The following PIAS1 variants were observed in gnomAD, a reference collection of about 807,000 sequenced individuals.
The protein encoded by PIAS1 is protein inhibitor of activated STAT 1.
PIAS1 carries 6 observed loss-of-function variants against 71.3 expected under a neutral mutation model. That is an observed-to-expected ratio of 0.08 (90% CI 0.05 to 0.17). The LOEUF is 0.17. PIAS1 is among the 10% of genes least tolerant of loss of function. PIAS1 has a pLI of 1.00. For missense variants in PIAS1, 555 were observed against 793.6 expected (o/e 0.70, Z 3.61); for synonymous variants, 303 against 292.9 (o/e 1.03, Z -0.35).
intron 2 of PIAS1, among the ~76,000 whole-genome samples, chr15:68,091,791 G>A (rs969973330): frequency 6.6e-6 from 1 of 152,134 alleles, no homozygotes; most frequent in African/African-American, 2.4e-5. Context: ...CACAAGTCCT[G>A]TTTTATAATT....
At chr15:68,121,475 T>C (rs937882384) in intron 2 of PIAS1, among the ~76,000 whole-genome samples, 1 of 150,212 alleles carries the variant, frequency 6.7e-6, no homozygotes, top group Admixed American at 6.6e-5. Context: ...TTTATTCTTG[T>C]TTTTTTGTGC....
chr15:68,090,510 A>G (rs758967483), intron 2 of PIAS1, among the ~76,000 whole-genome samples: 7 of 150,378 alleles, frequency 4.7e-5, no homozygotes, highest in African/African-American at 9.7e-5. Context: ...ATAAATCCCT[A>G]TAATAGCTAG....
intron 1 of PIAS1, among the ~76,000 whole-genome samples, chr15:68,064,578 C>T (rs181267226): frequency 6.6e-6 from 1 of 152,306 alleles, no homozygotes; most frequent in East Asian, 1.9e-4. Context: ...CAGATTCCTG[C>T]GTTGCAGCAG....
chr15:68,076,632 A>G (rs1376333506), intron 1 of PIAS1, among the ~76,000 whole-genome samples: 1 of 152,192 alleles, frequency 6.6e-6, no homozygotes, highest in East Asian at 1.9e-4. Flanking sequence ...ATCTCTTATG[A>G]TATGCTCAGG....
rs548682399 is a variant in PIAS1, at chr15:68,158,595, TCAGCA to T, written c.934+4904_934+4908del. ...ATTTTTTTTCTTGAATTCCTATTGC[TCAGCA>T]CAGTGCCACATACATAGTAGATCTG... On this transcript the variant is annotated intron_variant, in intron 7 of 13. Transcript: ENST00000249636. 1.5e-4 allele frequency among the ~76,000 whole-genome samples: 23 copies of T among 152,252 alleles called. No homozygotes were observed. The South Asian group carries it at 3.9e-3, about 26-fold the overall frequency.
intron 12 of PIAS1, among the ~76,000 whole-genome samples, chr15:68,182,533 T>A (rs1297784968): frequency 1.7e-5 from 2 of 115,402 alleles, no homozygotes; most frequent in Non-Finnish European, 3.7e-5. Flanking sequence ...TTTGCTCTTA[T>A]TGCTCAGGCT....
At chr15:68,063,278 G>A (rs1015352259) in intron 1 of PIAS1, among the ~76,000 whole-genome samples, 1 of 152,166 alleles carries the variant, frequency 6.6e-6, no homozygotes, top group African/African-American at 2.4e-5. Context: ...AACTTAACAT[G>A]CTATCTTGTG....
At chr15:68,084,070 A>G (rs1213003011) in intron 1 of PIAS1, among the ~76,000 whole-genome samples, 1 of 152,170 alleles carries the variant, frequency 6.6e-6, no homozygotes, top group East Asian at 1.9e-4. Context: ...AAATGTCAAC[A>G]TATTCTTCTA....
intron 2 of PIAS1, among the ~76,000 whole-genome samples, chr15:68,114,882 A>C (rs2092552509): frequency 6.6e-6 from 1 of 151,898 alleles, no homozygotes. Flanking sequence ...ATGTATTTTG[A>C]GTTGTAATTA....
chr15:68,074,696 T>C (rs1050731710), intron 1 of PIAS1, among the ~76,000 whole-genome samples: 2 of 152,342 alleles, frequency 1.3e-5, no homozygotes, highest in African/African-American at 4.8e-5. Context: ...TTTCTTCTTT[T>C]GGCTAGTTTA....
intron 7 of PIAS1, among the ~76,000 whole-genome samples, chr15:68,159,650 G>A (rs907440991): frequency 5.3e-5 from 8 of 152,020 alleles, no homozygotes; most frequent in African/African-American, 1.2e-4. Context: ...TTATTGCTGC[G>A]TAGTATTTCA....
chr15:68,149,592 C>T (rs948812061), intron 6 of PIAS1, among the ~76,000 whole-genome samples: 3 of 151,600 alleles, frequency 2.0e-5, no homozygotes, highest in African/African-American at 7.3e-5. Flanking sequence ...TTGCTAATTC[C>T]CATGTTGGTT....
In PIAS1 at chr15:68,175,575, TA is replaced by T. The variant is rs550348994; in HGVS notation, c.1170-60del. 8.2e-5 allele frequency: 72 copies of T among 875,748 alleles called. No individual in the cohort carries two copies. In the African/African-American group the frequency reaches 1.1e-3, roughly 14 times the overall value. The allele number at this position is 875,748 out of a possible 1,614,324, so 54.2% of individuals were successfully genotyped here. ...CTAGATTTTAAGAATAAATATAACT[TA>T]AGTTGTTCAACCTTTATGTTCATTT... On this transcript the variant is annotated intron_variant, in intron 9 of 13. Transcript: ENST00000249636.
chr15:68,123,766 C>A (rs2092629554), intron 2 of PIAS1, among the ~76,000 whole-genome samples: 1 of 152,010 alleles, frequency 6.6e-6, no homozygotes, highest in Non-Finnish European at 1.5e-5. Context: ...ATTATAGAAA[C>A]CTTATTTATA....
chr15:68,106,038 G>A (rs144880989), intron 2 of PIAS1, among the ~76,000 whole-genome samples: 121 of 152,064 alleles, frequency 8.0e-4, no homozygotes, highest in South Asian at 1.7e-3. Flanking sequence ...TTCAACTGAG[G>A]TCCATTATAA....
rs150997979 is a variant in PIAS1 at position 68,088,176 on chromosome 15, G to GTGTATATA, written c.469+1427_469+1428insGTATATAT. The stretch of plus-strand genomic sequence containing the variant: ...TTCTTGTCTGTCTGATTATGTGTGT[G>GTGTATATA]TATATATATATATATATATATATAT... On this transcript the variant is annotated intron_variant, in intron 2 of 13. Coordinates refer to ENST00000249636, the MANE Select transcript of PIAS1 (RefSeq NM_016166.3). Among the ~76,000 whole-genome samples, 77 of 72,994 alleles carry GTGTATATA rather than the reference G, an allele frequency of 1.1e-3. 1 individual carries two copies. The highest frequency in any genetic ancestry group is 2.7e-3 in the South Asian group (4 of 1,476). The allele number at this position is 72,994 out of a possible 152,430, so 47.9% of individuals were successfully genotyped here. A position where few individuals can be genotyped will look rare whatever the true frequency, so the allele number is the denominator to read the frequency against.
intron 1 of PIAS1, among the ~76,000 whole-genome samples, chr15:68,064,204 CAA>C (rs1371483109): frequency 1.3e-5 from 2 of 151,980 alleles, no homozygotes; most frequent in Non-Finnish European, 2.9e-5. Context: ...TGAAAATAAA[CAA>C]AGTGTGCCTG....
intron 8 of PIAS1, among the ~76,000 whole-genome samples, chr15:68,172,144 A>G (rs140699953): frequency 0.011 from 1,706 of 149,716 alleles, 29 homozygotes; most frequent in African/African-American, 0.04. Flanking sequence ...GTTCCCACCT[A>G]TGAGTGAGAA....
intron 2 of PIAS1, among the ~76,000 whole-genome samples, chr15:68,102,775 C>A (rs1162805395): frequency 6.6e-6 from 1 of 152,016 alleles, no homozygotes; most frequent in African/African-American, 2.4e-5. Flanking sequence ...AGGGGTATTT[C>A]TTCATAGACT....
Sources: allele counts gnomAD v4.1 joint callset (sites outside exome capture counted in the v4.1 genomes callset), GRCh38; gene constraint gnomAD v4.1.1; transcripts MANE v1.5; gene names NCBI Gene and HGNC (gene_info 2026-07-23, HGNC 2026-07-21).